The following UQCRC2 variants were observed in gnomAD, a reference collection of about 807,000 sequenced individuals.
UQCRC2 encodes ubiquinol-cytochrome c reductase core protein 2.
In UQCRC2, 49 loss-of-function variants were observed where a neutral mutation model predicts 55.6. The observed-to-expected ratio is 0.88, with a 90% CI of 0.70 to 1.12. The LOEUF (loss-of-function observed/expected upper bound fraction) is 1.12. UQCRC2 is among the 50% of genes most tolerant of loss of function. The pLI, the probability that UQCRC2 is intolerant of heterozygous loss-of-function variation, is 0.00. For missense variants in UQCRC2, 506 were observed against 547.8 expected (o/e 0.92, Z 0.76); for synonymous variants, 193 against 192.0 (o/e 1.01, Z -0.04).
chr16:21,976,070 C>A, intron 11 of UQCRC2, 97 bp from the exon 12 acceptor site: 1 of 762,658 alleles, frequency 1.3e-6, no homozygotes. Flanking sequence ...TGGAACTAAC[C>A]TTCCATCTGT....
rs368822077 is a variant in UQCRC2 at position 21,971,905 on chromosome 16, T to C, written c.767-18T>C. Reference sequence around the variant, plus strand: ...ACAAGCCATTTTCTTCTTCCCTCTATCCTTAATCTGGCCCCAGGTGAAATC... The same window carrying C: ...ACAAGCCATTTTCTTCTTCCCTCTACCCTTAATCTGGCCCCAGGTGAAATC... On this transcript the variant is annotated intron_variant, in intron 9 of 13. Transcript: ENST00000268379. 1.7e-5 allele frequency: 28 copies of C among 1,613,050 alleles called. No individual in the cohort carries two copies. Among genetic ancestry groups the C allele is most frequent in the Non-Finnish European group, 2.2e-5 (26 of 1,180,006 alleles).
chr16:21,973,091 C>T (rs1898502531), intron 10 of UQCRC2, among the ~76,000 whole-genome samples: 1 of 152,160 alleles, frequency 6.6e-6, no homozygotes, highest in Non-Finnish European at 1.5e-5. Context: ...CAGAGCAAGA[C>T]TCTGTCTCAA....
chr16:21,975,497 A>G (rs931814035), intron 11 of UQCRC2, among the ~76,000 whole-genome samples: 2 of 152,112 alleles, frequency 1.3e-5, no homozygotes, highest in African/African-American at 4.8e-5. Context: ...TAAGTAGCAG[A>G]CCCAGCCAGC....
At chr16:21,956,147 C>A (rs767482583) in intron 1 of UQCRC2, among the ~76,000 whole-genome samples, 1 of 152,018 alleles carries the variant, frequency 6.6e-6, no homozygotes, top group Non-Finnish European at 1.5e-5. Flanking sequence ...TTAAAGGTTA[C>A]TAAGATGATT....
At chr16:21,956,819 T>C (rs1030365754) in intron 1 of UQCRC2, among the ~76,000 whole-genome samples, 2 of 152,136 alleles carry the variant, frequency 1.3e-5, no homozygotes, top group South Asian at 2.1e-4. Context: ...TTCCAACACT[T>C]TGGGAGACCA....
chr16:21,961,192 G>T, intron 4 of UQCRC2: 1 of 263,234 alleles, frequency 3.8e-6, no homozygotes, highest in Non-Finnish European at 8.1e-6. Flanking sequence ...TCTGCTGATA[G>T]GAGTATAAAT....
intron 5 of UQCRC2, 89 bp from the exon 6 acceptor site, chr16:21,962,672 T>A: frequency 2.5e-6 from 4 of 1,599,462 alleles, no homozygotes; most frequent in Non-Finnish European, 1.7e-6. Flanking sequence ...GACCTAAAGT[T>A]TCACATTGAG....
At chr16:21,982,203 C>T (rs1898748788) in intron 13 of UQCRC2, among the ~76,000 whole-genome samples, 1 of 151,962 alleles carries the variant, frequency 6.6e-6, no homozygotes, top group African/African-American at 2.4e-5. Context: ...CGTCCCAACC[C>T]GACTGCTTCC....
chr16:21,956,149 A>G (rs1396784039), intron 1 of UQCRC2, among the ~76,000 whole-genome samples: 1 of 152,200 alleles, frequency 6.6e-6, no homozygotes, highest in South Asian at 2.1e-4. Flanking sequence ...AAAGGTTACT[A>G]AGATGATTAA....
chr16:21,954,812 G>A (rs1378957536), intron 1 of UQCRC2, among the ~76,000 whole-genome samples: 1 of 151,888 alleles, frequency 6.6e-6, no homozygotes, highest in Non-Finnish European at 1.5e-5. Flanking sequence ...GGGAGTCAGA[G>A]GCAGGCGGAT....
chr16:21,975,744 T>G lies in UQCRC2; in HGVS notation c.1048-423T>G, dbSNP rs117990649. Among the ~76,000 whole-genome samples, 254 of 152,294 alleles carry G rather than the reference T, an allele frequency of 1.7e-3. 1 individual carries two copies. Among genetic ancestry groups the G allele is most frequent in the Admixed American group, 3.5e-3 (54 of 15,294 alleles). On this transcript the variant is annotated intron_variant, in intron 11 of 13. Transcript: ENST00000268379. The stretch of plus-strand genomic sequence containing the variant: ...GATAGCAGTATTAATGGCATGACAC[T>G]GCAAGAGTCTGGGGAAGTTTTAAAG...
chr16:21,955,054 C>CAAAA (rs11388256), intron 1 of UQCRC2, among the ~76,000 whole-genome samples: 22 of 101,742 alleles, frequency 2.2e-4, no homozygotes, highest in Non-Finnish European at 3.3e-4. Flanking sequence ...GACTCCGTCT[C>CAAAA]AAAAAAAAAA....
rs766314771 is a variant in UQCRC2, at chr16:21,957,509, A to G, written c.210A>G (p.Arg70=). The G allele has an allele frequency of 2.5e-6, 4 of 1,614,064 alleles. No individual in the cohort carries two copies. Among genetic ancestry groups the G allele is most frequent in the South Asian group, 1.1e-5 (1 of 91,088 alleles). The change falls in exon 3 of 14, where the codon AGA becomes AGG. Residue 70 remains arginine, a synonymous_variant. Coordinates refer to ENST00000268379, the MANE Select transcript of UQCRC2 (RefSeq NM_003366.4). The part of the protein sequence containing the change: ...RIGLFIKAGS[R]YEDFSNLGTT... ...GTTTGTTCATTAAAGCAGGCAGTAGATATGAGGACTTCAGCAATTTAGGAA... is the reference window on the plus strand; with the variant it reads ...GTTTGTTCATTAAAGCAGGCAGTAGGTATGAGGACTTCAGCAATTTAGGAA...
At position 21,971,519 on chromosome 16, in the gene UQCRC2, A is replaced by T; in HGVS notation, c.671-6A>T. On this transcript the variant is annotated splice_polypyrimidine_tract_variant and splice_region_variant and intron_variant, in intron 8 of 13. Coordinates refer to ENST00000268379, the MANE Select transcript of UQCRC2 (RefSeq NM_003366.4). ...TCTAGCTTTGTTTTTGCTTCTGTTG[A>T]AACAGGTGTGAGTCATCCTGTTCTA... 6.2e-7 allele frequency: 1 copy of T among 1,603,854 alleles called. No individual in the cohort carries two copies. Among genetic ancestry groups the T allele is most frequent in the Non-Finnish European group, 8.5e-7 (1 of 1,174,500 alleles).
intron 1 of UQCRC2, among the ~76,000 whole-genome samples, chr16:21,956,130 G>A (rs1898082788): frequency 6.6e-6 from 1 of 152,134 alleles, no homozygotes; most frequent in South Asian, 2.1e-4. Flanking sequence ...CGGCTAGTTT[G>A]TCTTTTTTAA....
chr16:21,961,466 G>T (rs1597953092), intron 4 of UQCRC2: 2 of 235,762 alleles, frequency 8.5e-6, no homozygotes, highest in East Asian at 2.4e-4. Flanking sequence ...TTTCTTTAAG[G>T]TATTTTAATT....
chr16:21,954,323 C>A (rs1440118517), intron 1 of UQCRC2, among the ~76,000 whole-genome samples: 1 of 152,168 alleles, frequency 6.6e-6, no homozygotes, highest in Non-Finnish European at 1.5e-5. Flanking sequence ...GTAGTAGTAC[C>A]TGTGTTGAGA....
At chr16:21,974,444 T>C (rs1567477713) in intron 11 of UQCRC2, among the ~76,000 whole-genome samples, 1 of 152,126 alleles carries the variant, frequency 6.6e-6, no homozygotes, top group African/African-American at 2.4e-5. Flanking sequence ...GAAGCTGATA[T>C]ATTTGAAGGA....
intron 8 of UQCRC2, among the ~76,000 whole-genome samples, chr16:21,969,254 C>T (rs1485375913): frequency 1.3e-5 from 2 of 152,184 alleles, no homozygotes; most frequent in Admixed American, 6.5e-5. Flanking sequence ...AAATTCTAGG[C>T]TGGGCATGGT....
Sources: gnomAD v4.1 joint callset for allele counts (sites outside exome capture counted in the v4.1 genomes callset) on GRCh38, gnomAD v4.1.1 for gene constraint, MANE v1.5 for transcripts, NCBI Gene and HGNC (gene_info 2026-07-23, HGNC 2026-07-21) for gene names.